KIF26B: variants seen among roughly 807,000 people sequenced by gnomAD.
The protein encoded by KIF26B is kinesin family member 26B.
In KIF26B, 63 loss-of-function variants were observed where a neutral mutation model predicts 151.2. The observed-to-expected ratio is 0.42, with a 90% confidence interval of 0.34 to 0.51. KIF26B has a LOEUF of 0.51. Ranked by LOEUF, KIF26B falls within the 20% of genes least tolerant of loss-of-function variation. The pLI is 0.07. For missense variants in KIF26B, 2,813 were observed against 2,913.6 expected, an observed-to-expected ratio of 0.97 and a Z score of 0.79; for synonymous variants, 1,357 against 1,262.1, an observed-to-expected ratio of 1.08 and a Z score of -1.59.
chr1:245,316,843 T>TTCAAGGGAACAAGGACCCC (rs529833862), intron 2 of KIF26B, among the ~76,000 whole-genome samples: 2,311 of 139,492 alleles, frequency 0.017, 26 homozygotes, highest in African/African-American at 0.042. Context: ...TCAAGGACCC[T>TTCAAGGGAACAAGGACCCC]CACAATCACC....
intron 4 of KIF26B, among the ~76,000 whole-genome samples, chr1:245,480,884 C>A (rs1572084120): frequency 6.6e-6 from 1 of 151,510 alleles, no homozygotes; most frequent in East Asian, 1.9e-4. Context: ...TCATCTGGGC[C>A]CATTTCCTCA....
intron 9 of KIF26B, among the ~76,000 whole-genome samples, chr1:245,616,020 G>A (rs180988509): frequency 1.1e-3 from 161 of 152,288 alleles, no homozygotes; most frequent in Admixed American, 2.7e-3. Context: ...GATCTCTGCC[G>A]CAAGAACTAA....
At chr1:245,177,705 T>C (rs1475351271) in intron 2 of KIF26B, among the ~76,000 whole-genome samples, 2 of 151,934 alleles carry the variant, frequency 1.3e-5, no homozygotes, top group African/African-American at 4.8e-5. Context: ...TCTTTCCCCC[T>C]GGCCTTCTGG....
At position 245,370,425 on chromosome 1, in the gene KIF26B, A is replaced by G. The variant is rs1186725898; in HGVS notation, c.999+3058A>G. On this transcript the variant is annotated intron_variant, in intron 3 of 14. Coordinates refer to ENST00000407071, the MANE Select transcript of KIF26B (RefSeq NM_018012.4). Reference sequence around the variant, plus strand: ...TTTTGCACCCACCTAATATATAACCAAACATCAATTAATTAGAATTTAGGT... The same window carrying G: ...TTTTGCACCCACCTAATATATAACCGAACATCAATTAATTAGAATTTAGGT... Among the ~76,000 whole-genome samples, 5 of 152,200 alleles carry G rather than the reference A, an allele frequency of 3.3e-5. No homozygotes were observed. The South Asian group carries it at 1.0e-3, about 32-fold the overall frequency.
chr1:245,380,037 G>A (rs935188469), intron 3 of KIF26B, among the ~76,000 whole-genome samples: 1 of 151,714 alleles, frequency 6.6e-6, no homozygotes, highest in Admixed American at 6.6e-5. Flanking sequence ...TTCTAATTGA[G>A]ATTTTACTGT....
intron 2 of KIF26B, chr1:245,214,265 T>A (rs1210390660): frequency 6.6e-6 from 1 of 151,122 alleles, no homozygotes; most frequent in African/African-American, 2.4e-5. Context: ...TAATCCCAGC[T>A]CCCTGGGAGG....
chr1:245,534,662 A>C (rs1661450241), intron 4 of KIF26B, among the ~76,000 whole-genome samples: 2 of 152,112 alleles, frequency 1.3e-5, no homozygotes, highest in African/African-American at 4.8e-5. Flanking sequence ...GGTAGTTTTT[A>C]AGTTAATTTT....
chr1:245,541,583 A>T (rs1330731078), intron 5 of KIF26B, among the ~76,000 whole-genome samples: 1 of 152,228 alleles, frequency 6.6e-6, no homozygotes, highest in South Asian at 2.1e-4. Context: ...TGGGTGAAGT[A>T]ACTTACGGTT....
chr1:245,526,594 A>T (rs1305235698), intron 4 of KIF26B, among the ~76,000 whole-genome samples: 2 of 152,232 alleles, frequency 1.3e-5, no homozygotes, highest in African/African-American at 4.8e-5. Context: ...TGAGACTCTT[A>T]AATTCAAATT....
Position 245,303,350 on chromosome 1 carries a change from C to G in KIF26B, c.466-63484C>G, listed in dbSNP as rs574982644. Among the ~76,000 whole-genome samples the G allele has an allele frequency of 3.5e-3, 534 of 151,436 alleles. 8 individuals are homozygous for G. Among genetic ancestry groups the G allele is most frequent in the African/African-American group, 0.012 (485 of 41,068 alleles). ...AGTAGCTGGGACTACAGGTGCCCGC[C>G]ACCACGCCCGGCTAATTTTTTGTAT... On this transcript the variant is annotated intron_variant, in intron 2 of 14. Transcript: ENST00000407071.
In KIF26B at chr1:245,375,324, G is replaced by T. The variant is rs1380842549; in HGVS notation, c.999+7957G>T. ...ACTCCTGACCTCAGGTGATCTGCCT[G>T]CCTCAGCCTCCCAAAGTGCTGGGAT... is the stretch of plus-strand genomic sequence containing the variant. On this transcript the variant is annotated intron_variant, in intron 3 of 14. Coordinates refer to ENST00000407071, the MANE Select transcript of KIF26B (RefSeq NM_018012.4). This position sits in a 1 kb window ranked among gnomAD's most constrained non-coding sequence, Gnocchi z 4.2. Among the ~76,000 whole-genome samples the T allele has an allele frequency of 6.6e-6, 1 of 152,126 alleles. No individual in the cohort carries two copies. Among genetic ancestry groups the T allele is most frequent in the Non-Finnish European group, 1.5e-5 (1 of 68,036 alleles).
rs1327902490 is a variant in KIF26B at position 245,704,399 on chromosome 1, T to G, written c.*1793T>G. ...AAATGGGAACCGAAGTCTTGTGAGC[T>G]TCACATGACCTGATCCTTTGTTATC... On this transcript the variant is annotated 3_prime_UTR_variant, in exon 15 of 15. Coordinates refer to ENST00000407071, the MANE Select transcript of KIF26B (RefSeq NM_018012.4). The G allele has an allele frequency of 6.6e-6, 1 of 152,270 alleles. No homozygotes were observed. The highest frequency in any genetic ancestry group is 1.5e-5 in the Non-Finnish European group (1 of 68,066). The allele number at this position is 152,270 out of a possible 1,614,324, so 9.4% of individuals were successfully genotyped here.
intron 3 of KIF26B, among the ~76,000 whole-genome samples, chr1:245,381,421 G>GCTTT (rs1673406154): frequency 6.6e-6 from 1 of 152,200 alleles, no homozygotes; most frequent in Admixed American, 6.5e-5. Context: ...ATGAGGCCCA[G>GCTTT]GATGGCTTTG....
chr1:245,372,746 C>G (rs111820488), intron 3 of KIF26B, among the ~76,000 whole-genome samples: 1 of 152,158 alleles, frequency 6.6e-6, no homozygotes, highest in Non-Finnish European at 1.5e-5. Flanking sequence ...ACATAACACA[C>G]GGAGTTATAG....
chr1:245,232,149 G>A (rs759111572), intron 2 of KIF26B, among the ~76,000 whole-genome samples: 6 of 152,210 alleles, frequency 3.9e-5, no homozygotes, highest in African/African-American at 7.2e-5. Flanking sequence ...ATAAAACAAT[G>A]GAGCTAGATT....
rs1187703352 is a variant in KIF26B at position 245,563,620 on chromosome 1, G to A, written c.1350+22670G>A. On this transcript the variant is annotated intron_variant, in intron 5 of 14. Transcript: ENST00000407071. This position sits in a 1 kb window ranked among gnomAD's most constrained non-coding sequence, Gnocchi z 4.6. ...CACCTATGAAGCAGCCAGTGGCCTC[G>A]GGAGTGGGGCTGCTTGAGACTGTGG... 6.6e-5 allele frequency among the ~76,000 whole-genome samples: 10 copies of A among 152,192 alleles called. No individual in the cohort carries two copies. Among genetic ancestry groups the A allele is most frequent in the Non-Finnish European group, 1.3e-4 (9 of 68,034 alleles).
intron 2 of KIF26B, among the ~76,000 whole-genome samples, chr1:245,258,614 C>T (rs1670581836): frequency 6.6e-6 from 1 of 152,140 alleles, no homozygotes; most frequent in African/African-American, 2.4e-5. Context: ...TTCCAAATTC[C>T]ACCTGCTCTG....
intron 3 of KIF26B, among the ~76,000 whole-genome samples, chr1:245,395,729 A>G (rs1673819760): frequency 6.6e-6 from 1 of 152,186 alleles, no homozygotes; most frequent in Non-Finnish European, 1.5e-5. Flanking sequence ...TACCCCCCAA[A>G]GTGTCATAAT....
rs962170241 is a variant in KIF26B at position 245,167,768 on chromosome 1, G to A, written c.465+11085G>A. 1.3e-5 allele frequency among the ~76,000 whole-genome samples: 2 copies of A among 152,090 alleles called. No homozygotes were observed. The highest frequency in any genetic ancestry group is 4.8e-5 in the African/African-American group (2 of 41,404). On this transcript the variant is annotated intron_variant, in intron 2 of 14. Transcript: ENST00000407071. This position sits in a 1 kb window ranked among gnomAD's most constrained non-coding sequence, Gnocchi z 4.2. ...GTGTCTTCCCCATGGTACCATGGCT[G>A]GGAATTAGAGCATCAGGTGTCCTTT... is the stretch of plus-strand genomic sequence containing the variant.
Sources: allele counts gnomAD v4.1 joint callset (sites outside exome capture counted in the v4.1 genomes callset), GRCh38; gene constraint gnomAD v4.1.1; non-coding constraint Gnocchi (gnomAD v3.1); transcripts MANE v1.5; gene names NCBI Gene and HGNC (gene_info 2026-07-23, HGNC 2026-07-21).